Variants in PCBP3 observed in about 807,000 individuals in gnomAD.
The protein encoded by PCBP3 is poly(rC)-binding protein 3.
In PCBP3, 25 loss-of-function variants were observed where a neutral mutation model predicts 52.7. The observed-to-expected ratio is 0.47, with a 90% confidence interval of 0.35 to 0.66. The LOEUF is 0.66. PCBP3 is among the 30% of genes least tolerant of loss of function. The probability of loss-of-function intolerance (pLI) is 0.01; values close to 1 mark genes in which losing one functional copy is unlikely to be tolerated. For missense variants in PCBP3, 391 were observed against 490.3 expected, an observed-to-expected ratio of 0.80 and a Z score of 1.91; for synonymous variants, 162 against 183.0, an observed-to-expected ratio of 0.89 and a Z score of 0.93.
At chr21:45,926,143 C>G (rs887812091) in intron 13 of PCBP3, among the ~76,000 whole-genome samples, 2 of 152,218 alleles carry the variant, frequency 1.3e-5, no homozygotes. Context: ...AACATCAGAC[C>G]ACACAGACGA....
chr21:45,914,091 G>T, intron 12 of PCBP3, 66 bp downstream of exon 12: 1 of 1,610,334 alleles, frequency 6.2e-7, no homozygotes, highest in Non-Finnish European at 8.5e-7. Flanking sequence ...ACCCGCCGCT[G>T]CCCGTTAGTG....
chr21:45,909,506 C>A lies in PCBP3; in HGVS notation c.471+20C>A, dbSNP rs371466860. 1 of 1,609,862 alleles carries A rather than the reference C, an allele frequency of 6.2e-7. No homozygotes were observed. The highest frequency in any genetic ancestry group is 8.5e-7 in the Non-Finnish European group (1 of 1,178,550). Reference sequence around the variant, plus strand: ...AGGGAGGTAACAGGACCTTCCCAGCCTGGGCCGCTGCGGAGCCTCTAGGCG... The same window carrying A: ...AGGGAGGTAACAGGACCTTCCCAGCATGGGCCGCTGCGGAGCCTCTAGGCG... On this transcript the variant is annotated intron_variant, in intron 10 of 17. Transcript: ENST00000681687.
rs1201115292 is a variant in PCBP3, at chr21:45,930,815, G to A, written c.826G>A (p.Glu276Lys). Residue 276 changes from glutamate to lysine, a missense_variant, in exon 15 of 18, where the codon GAA becomes AAA. Glu to Lys is a moderately conservative substitution (Grantham distance 56). Transcript: ENST00000681687. ...AAAGCTGCCTTTACACTCCTCCGAA[G>A]AAGCTCAAAATCTGATGGGCCAGTC... ...GEKLPLHSSEEAQNLMGQSSG... is the reference protein window; with the variant it reads ...GEKLPLHSSEKAQNLMGQSSG... The A allele has an allele frequency of 1.3e-6, 2 of 1,568,236 alleles. No individual in the cohort carries two copies. The highest frequency in any genetic ancestry group is 1.8e-6 in the Non-Finnish European group (2 of 1,138,392).
intron 10 of PCBP3, 136 bp from the exon 11 acceptor site, chr21:45,910,766 G>A (rs964189911): frequency 6.4e-6 from 5 of 787,046 alleles, no homozygotes; most frequent in African/African-American, 1.7e-5. Context: ...ATGGCGGTGG[G>A]GGAGGGGGCG....
At chr21:45,902,275 TTCCCCTA>T (rs2096076583) in intron 9 of PCBP3, among the ~76,000 whole-genome samples, 2 of 57,834 alleles carry the variant, frequency 3.5e-5, no homozygotes, top group South Asian at 9.1e-4. Context: ...GGGGCCAGTG[TTCCCCTA>T]TCGTAGGTGG....
At chr21:45,670,969 G>C (rs1201763213) in intron 2 of PCBP3, among the ~76,000 whole-genome samples, 1 of 152,164 alleles carries the variant, frequency 6.6e-6, no homozygotes, top group Non-Finnish European at 1.5e-5. Context: ...TGTCAGTCCA[G>C]CTGGCAGATG....
intron 2 of PCBP3, among the ~76,000 whole-genome samples, chr21:45,695,604 A>G (rs910188309): frequency 3.9e-5 from 6 of 152,002 alleles, no homozygotes; most frequent in African/African-American, 1.5e-4. Flanking sequence ...TTATTCCTAT[A>G]TTCTTTACAG....
chr21:45,839,288 TCCC>T, intron 4 of PCBP3, among the ~76,000 whole-genome samples: 1 of 152,326 alleles, frequency 6.6e-6, no homozygotes, highest in African/African-American at 2.4e-5. Flanking sequence ...CACCTCTTCC[TCCC>T]ATTTCATTAG....
intron 9 of PCBP3, among the ~76,000 whole-genome samples, chr21:45,902,594 A>G (rs963613172): frequency 2.6e-5 from 4 of 152,236 alleles, no homozygotes; most frequent in African/African-American, 9.6e-5. Flanking sequence ...ACACCAAAAC[A>G]GAAACAAGAA....
intron 2 of PCBP3, among the ~76,000 whole-genome samples, chr21:45,698,341 C>T (rs916973848): frequency 1.3e-5 from 2 of 152,244 alleles, no homozygotes; most frequent in African/African-American, 4.8e-5. Flanking sequence ...TGTGTTCATG[C>T]ATTAGCCTCC....
At chr21:45,703,107 C>T (rs1033714006) in intron 2 of PCBP3, among the ~76,000 whole-genome samples, 4 of 152,178 alleles carry the variant, frequency 2.6e-5, no homozygotes, top group African/African-American at 7.2e-5. Context: ...TTGCTGTTTT[C>T]ACCACATCTG....
At chr21:45,911,507 T>C (rs2149274154) in intron 11 of PCBP3, among the ~76,000 whole-genome samples, 1 of 151,820 alleles carries the variant, frequency 6.6e-6, no homozygotes, top group Non-Finnish European at 1.5e-5. Flanking sequence ...CGGGAAAACA[T>C]ACAAAACTCA....
chr21:45,935,547 A>C (rs2076801645), intron 16 of PCBP3: 3 of 639,500 alleles, frequency 4.7e-6, no homozygotes, highest in Non-Finnish European at 2.9e-6. Context: ...AGGGGACTTC[A>C]GATATTAATC....
At chr21:45,838,933 A>G (rs1157013734) in intron 4 of PCBP3, among the ~76,000 whole-genome samples, 1 of 152,208 alleles carries the variant, frequency 6.6e-6, no homozygotes, top group African/African-American at 2.4e-5. Context: ...GGCTATTCAC[A>G]AAAGTCTCAC....
chr21:45,857,285 G>T (rs1368441169), intron 5 of PCBP3, among the ~76,000 whole-genome samples: 2 of 152,112 alleles, frequency 1.3e-5, no homozygotes, highest in African/African-American at 4.8e-5. Context: ...TGCCAGGTTG[G>T]AAAGTAAGTC....
intron 3 of PCBP3, chr21:45,752,909 G>A (rs896738236): frequency 2.0e-5 from 3 of 147,628 alleles, no homozygotes; most frequent in African/African-American, 7.5e-5. Flanking sequence ...GAAGATGAGA[G>A]GGTTGCTTGA....
At chr21:45,899,461 C>G (rs1002039400) in intron 6 of PCBP3, 138 bp from the exon 7 acceptor site, 5 of 658,380 alleles carry the variant, frequency 7.6e-6, no homozygotes, top group Non-Finnish European at 1.4e-5. Flanking sequence ...TCTGAATTCT[C>G]CCTTCTTCAT....
rs1427162036 is a variant in PCBP3 at position 45,930,948 on chromosome 21, C to T, written c.856+103C>T. ...CTGCCGCTGCAGCAGTTTCCAGCTT[C>T]CATGGGAGGCTGTGGGCCAGCCTCA... On this transcript the variant is annotated intron_variant, in intron 15 of 17. Coordinates refer to ENST00000681687, the MANE Select transcript of PCBP3 (RefSeq NM_001384156.1). 12 of 1,518,538 alleles carry T rather than the reference C, an allele frequency of 7.9e-6. 1 individual carries two copies. The Middle Eastern group carries it at 6.5e-4, about 82-fold the overall frequency. The allele number at this position is 1,518,538 out of a possible 1,614,324, so 94.1% of individuals were successfully genotyped here. A position where few individuals can be genotyped will look rare whatever the true frequency, so the allele number is the denominator to read the frequency against.
intron 4 of PCBP3, among the ~76,000 whole-genome samples, chr21:45,781,471 C>T (rs946894235): frequency 2.2e-4 from 33 of 152,322 alleles, no homozygotes; most frequent in African/African-American, 7.0e-4. Context: ...TGAGAAACCA[C>T]TCGGTGTAAC....
Sources: gnomAD v4.1 joint callset for allele counts (sites outside exome capture counted in the v4.1 genomes callset) on GRCh38, gnomAD v4.1.1 for gene constraint, MANE v1.5 for transcripts, NCBI Gene and HGNC (gene_info 2026-07-23, HGNC 2026-07-21) for gene names.